Variants in RCAN2 observed in about 807,000 individuals in gnomAD.
The protein encoded by RCAN2 is calcipressin-2.
In RCAN2, 9 loss-of-function variants were observed where a neutral mutation model predicts 23.6. The observed-to-expected ratio is 0.38, with a 90% CI of 0.23 to 0.67. The LOEUF is 0.67. Ranked by LOEUF, RCAN2 falls within the 30% of genes least tolerant of loss-of-function variation. The pLI, the probability that RCAN2 is intolerant of heterozygous loss-of-function variation, is 0.51. For synonymous variants in RCAN2, 109 were observed against 115.7 expected (o/e 0.94, Z 0.37); for missense variants, 273 against 302.3 (o/e 0.90, Z 0.72).
intron 1 of RCAN2, among the ~76,000 whole-genome samples, chr6:46,478,384 A>G (rs1768768996): frequency 6.6e-6 from 1 of 152,256 alleles, no homozygotes; most frequent in Non-Finnish European, 1.5e-5. Context: ...ATATTTTATT[A>G]AAATAGAAAA....
chr6:46,404,053 C>G (rs769016070), intron 2 of RCAN2, among the ~76,000 whole-genome samples: 132 of 152,262 alleles, frequency 8.7e-4, no homozygotes, highest in Non-Finnish European at 1.3e-3. Context: ...GAAATCCCGT[C>G]TCTACTAAAA....
At position 46,246,797 on chromosome 6, in the gene RCAN2, C is replaced by T. The variant is rs994125930; in HGVS notation, c.522G>A (p.Thr174=). Residue 174 remains threonine (T), a synonymous_variant, in exon 4 of 5, where the codon ACG becomes ACA. Coordinates refer to ENST00000371374, the MANE Select transcript of RCAN2 (RefSeq NM_001251974.2). The part of the protein sequence containing the change: ...PVGWQPINDA[T]PVLNYDLLYA... Reference sequence around the variant, plus strand: ...AGAGGAGGTCATAGTTGAGGACTGGCGTGGCATCGTTGATGGGCTGCCAGC... The same window carrying T: ...AGAGGAGGTCATAGTTGAGGACTGGTGTGGCATCGTTGATGGGCTGCCAGC... 12 of 1,613,384 alleles carry T rather than the reference C, an allele frequency of 7.4e-6. No individual in the cohort carries two copies. Among genetic ancestry groups the T allele is most frequent in the Admixed American group, 6.7e-5 (4 of 59,964 alleles).
chr6:46,253,409 G>A (rs1478516253), intron 2 of RCAN2, among the ~76,000 whole-genome samples: 7 of 152,278 alleles, frequency 4.6e-5, no homozygotes, highest in Non-Finnish European at 1.0e-4. Flanking sequence ...CCTGTCAGTT[G>A]TTTCTTCAAG....
At chr6:46,364,097 C>T (rs770097792) in intron 2 of RCAN2, among the ~76,000 whole-genome samples, 1 of 152,108 alleles carries the variant, frequency 6.6e-6, no homozygotes, top group African/African-American at 2.4e-5. Context: ...GTTCCACAAC[C>T]CCAGTGTTCA....
At chr6:46,248,982 A>C in intron 2 of RCAN2, 86 bp from the exon 3 acceptor site, 2 of 899,550 alleles carry the variant, frequency 2.2e-6, no homozygotes, top group Non-Finnish European at 3.3e-6. Context: ...AAACAACTAA[A>C]TAAATAGGCT....
In RCAN2 at chr6:46,222,009, A is replaced by G. The variant is rs1348228436; in HGVS notation, c.*1132T>C. On this transcript the variant is annotated 3_prime_UTR_variant, in exon 5 of 5. Coordinates refer to ENST00000371374, the MANE Select transcript of RCAN2 (RefSeq NM_001251974.2). ...TTTTAACATGCTCAGCTGCTGCTGC[A>G]TTCTGGGGATTTAGCTTCATCCCAA... 9 of 398,414 alleles carry G rather than the reference A, an allele frequency of 2.3e-5. No individual in the cohort carries two copies. Among genetic ancestry groups the G allele is most frequent in the Non-Finnish European group, 1.3e-5 (3 of 226,000 alleles). The allele number at this position is 398,414 out of a possible 1,614,324, so 24.7% of individuals were successfully genotyped here. A position where few individuals can be genotyped will look rare whatever the true frequency, so the allele number is the denominator to read the frequency against.
intron 2 of RCAN2, among the ~76,000 whole-genome samples, chr6:46,376,715 CAA>C (rs35329945): frequency 0.033 from 4,933 of 149,956 alleles, 269 homozygotes; most frequent in African/African-American, 0.11. Flanking sequence ...AACAAACAAA[CAA>C]AAAAAAAAAA....
At chr6:46,382,630 C>A (rs1032325007) in intron 2 of RCAN2, among the ~76,000 whole-genome samples, 2 of 152,136 alleles carry the variant, frequency 1.3e-5, no homozygotes, top group Admixed American at 1.3e-4. Context: ...ATAATAAAAG[C>A]GCTCCAATGC....
At chr6:46,278,811 C>G (rs952919505) in intron 2 of RCAN2, among the ~76,000 whole-genome samples, 56 of 152,110 alleles carry the variant, frequency 3.7e-4, no homozygotes, top group African/African-American at 1.1e-3. Flanking sequence ...TCTCTGGAAC[C>G]CTGTTGCAAA....
chr6:46,235,558 A>G (rs536163706), intron 4 of RCAN2, among the ~76,000 whole-genome samples: 1 of 152,244 alleles, frequency 6.6e-6, no homozygotes, highest in South Asian at 2.1e-4. Flanking sequence ...CCAAACTCAC[A>G]TGTCTAAAGT....
chr6:46,458,896 C>CACGCGCGT (rs139673559), intron 1 of RCAN2, among the ~76,000 whole-genome samples: 1 of 150,036 alleles, frequency 6.7e-6, no homozygotes, highest in African/African-American at 2.5e-5. Flanking sequence ...CGCGCGCGCA[C>CACGCGCGT]GTGTGTGTGT....
At chr6:46,298,945 A>T (rs967739673) in intron 2 of RCAN2, among the ~76,000 whole-genome samples, 2 of 152,102 alleles carry the variant, frequency 1.3e-5, no homozygotes, top group African/African-American at 2.4e-5. Flanking sequence ...GAATGAAATC[A>T]TGTCTTTGCT....
chr6:46,356,018 G>GTGACTTTA (rs1764819719), intron 2 of RCAN2, among the ~76,000 whole-genome samples: 1 of 152,200 alleles, frequency 6.6e-6, no homozygotes, highest in Non-Finnish European at 1.5e-5. Context: ...AGGATACAGA[G>GTGACTTTA]TGACTTTAGA....
intron 2 of RCAN2, among the ~76,000 whole-genome samples, chr6:46,393,856 G>A (rs1176927630): frequency 1.3e-5 from 2 of 152,028 alleles, no homozygotes; most frequent in Non-Finnish European, 2.9e-5. Flanking sequence ...CCTCCTCCGG[G>A]CCCTGTCTGC....
chr6:46,254,993 G>A (rs557003967), intron 2 of RCAN2, among the ~76,000 whole-genome samples: 113 of 152,264 alleles, frequency 7.4e-4, no homozygotes, highest in African/African-American at 1.2e-3. Context: ...AGGTATCACC[G>A]CACTGCTGAC....
chr6:46,367,022 G>GAT (rs60245042), intron 2 of RCAN2, among the ~76,000 whole-genome samples: 5,007 of 59,452 alleles, frequency 0.084, 719 homozygotes, highest in Middle Eastern at 0.19. Context: ...ATCTGGGATG[G>GAT]ATATATATAT....
At chr6:46,468,876 C>T (rs973200459) in intron 1 of RCAN2, 11 of 984,272 alleles carry the variant, frequency 1.1e-5, no homozygotes, top group Admixed American at 6.1e-5. Flanking sequence ...GTGTTAAATC[C>T]GGAAGGCTGA....
At chr6:46,319,330 T>A (rs1763536890) in intron 2 of RCAN2, among the ~76,000 whole-genome samples, 1 of 152,218 alleles carries the variant, frequency 6.6e-6, no homozygotes, top group Non-Finnish European at 1.5e-5. Context: ...ACAGAATCAC[T>A]AAGACTGCAA....
At chr6:46,419,770 C>T (rs1766821529) in intron 2 of RCAN2, among the ~76,000 whole-genome samples, 4 of 152,084 alleles carry the variant, frequency 2.6e-5, no homozygotes, top group Admixed American at 2.0e-4. Flanking sequence ...GGAAAGAAAG[C>T]CTCACGTCTT....
Sources: gnomAD v4.1 joint callset for allele counts (sites outside exome capture counted in the v4.1 genomes callset) on GRCh38, gnomAD v4.1.1 for gene constraint, MANE v1.5 for transcripts, NCBI Gene and HGNC (gene_info 2026-07-23, HGNC 2026-07-21) for gene names.